Variants in WWOX observed in about 807,000 individuals in gnomAD.
WWOX encodes WW domain containing oxidoreductase, also known as WW domain-containing oxidoreductase.
Under a neutral mutation model 46.2 loss-of-function variants are expected in WWOX, and 69 were observed. The observed-to-expected ratio is 1.49, with a 90% CI of 1.23 to 1.82. The LOEUF (loss-of-function observed/expected upper bound fraction) is 1.82. WWOX is among the 40% of genes most tolerant of loss of function. The pLI is 0.00. For missense variants in WWOX, 919 were observed against 542.6 expected (o/e 1.69, Z -6.89); for synonymous variants, 359 against 202.6 (o/e 1.77, Z -6.56).
intron 8 of WWOX, among the ~76,000 whole-genome samples, chr16:78,827,581 C>T (rs998506178): frequency 6.6e-6 from 1 of 152,022 alleles, no homozygotes; most frequent in Non-Finnish European, 1.5e-5. Context: ...GCCTGTAATC[C>T]CAGCACTTTG....
At chr16:78,535,658 C>T (rs2043741209) in intron 8 of WWOX, 1 of 152,206 alleles carries the variant, frequency 6.6e-6, no homozygotes. Context: ...GAAGTTTAAA[C>T]AATCTCTTCC....
At chr16:78,492,847 G>A (rs2084818554) in intron 8 of WWOX, among the ~76,000 whole-genome samples, 1 of 152,056 alleles carries the variant, frequency 6.6e-6, no homozygotes, top group Admixed American at 6.6e-5. Flanking sequence ...CCGAATACTT[G>A]TGTCCCTTGA....
intron 8 of WWOX, among the ~76,000 whole-genome samples, chr16:78,650,175 G>A (rs1597394448): frequency 6.6e-6 from 1 of 152,136 alleles, no homozygotes; most frequent in Admixed American, 6.5e-5. Context: ...AGAGTGTTTG[G>A]CTAACTTGCA....
chr16:79,005,869 G>C (rs1339633045), intron 8 of WWOX, among the ~76,000 whole-genome samples: 3 of 152,176 alleles, frequency 2.0e-5, no homozygotes, highest in African/African-American at 7.2e-5. Flanking sequence ...CTCAGGCCAA[G>C]AGAGAAACTC....
chr16:78,677,879 G>C (rs2047641081), intron 8 of WWOX, among the ~76,000 whole-genome samples: 1 of 152,108 alleles, frequency 6.6e-6, no homozygotes, highest in Non-Finnish European at 1.5e-5. Context: ...ACAATTTCCT[G>C]CCTCCAAATT....
chr16:78,945,569 CTT>C (rs1029157555), intron 8 of WWOX, among the ~76,000 whole-genome samples: 13 of 152,132 alleles, frequency 8.5e-5, no homozygotes, highest in Admixed American at 6.5e-5. Flanking sequence ...GCCTTTTAGT[CTT>C]TTGGTTTTTT....
At position 79,178,500 on chromosome 16, in the gene WWOX, A is replaced by G. The variant is rs551268022; in HGVS notation, c.1057-33108A>G. The stretch of plus-strand genomic sequence containing the variant: ...CTGGCTAATTTTCTAAATTTTTTGT[A>G]GAGACAAGGTCTCACTGTGTTGTCC... On this transcript the variant is annotated intron_variant, in intron 8 of 8. Coordinates refer to ENST00000566780, the MANE Select transcript of WWOX (RefSeq NM_016373.4). Among the ~76,000 whole-genome samples, 9 of 152,156 alleles carry G rather than the reference A, an allele frequency of 5.9e-5. No homozygotes were observed. In the South Asian group the frequency reaches 1.9e-3, roughly 32 times the overall value.
rs538220699 is a variant in WWOX, at chr16:78,884,617, A to C, written c.1057-326991A>C. On this transcript the variant is annotated intron_variant, in intron 8 of 8. Coordinates refer to ENST00000566780, the MANE Select transcript of WWOX (RefSeq NM_016373.4). ...AGAGGAATGTATCCTATGTGATTAT[A>C]GTTACAATGAGTTGACTAAAAAGCA... 3.3e-5 allele frequency among the ~76,000 whole-genome samples: 5 copies of C among 152,320 alleles called. No homozygotes were observed. The South Asian group carries it at 1.0e-3, about 32-fold the overall frequency.
intron 8 of WWOX, among the ~76,000 whole-genome samples, chr16:79,193,115 C>G (rs1302763640): frequency 6.6e-6 from 1 of 152,216 alleles, no homozygotes; most frequent in African/African-American, 2.4e-5. Context: ...CTTTCCATTC[C>G]ATTAGACTTC....
intron 5 of WWOX, among the ~76,000 whole-genome samples, chr16:78,279,327 A>C (rs1349351324): frequency 6.6e-6 from 1 of 152,178 alleles, no homozygotes; most frequent in Non-Finnish European, 1.5e-5. Context: ...AATGAGTTTC[A>C]TTCTCCTATA....
intron 5 of WWOX, among the ~76,000 whole-genome samples, chr16:78,354,545 C>T (rs866506029): frequency 3.3e-5 from 5 of 152,002 alleles, no homozygotes; most frequent in Admixed American, 6.6e-5. Context: ...TTAGAAGAGA[C>T]CCTTATTTTT....
chr16:78,721,995 T>C (rs1246862068), intron 8 of WWOX, among the ~76,000 whole-genome samples: 3 of 152,256 alleles, frequency 2.0e-5, no homozygotes, highest in African/African-American at 7.2e-5. Context: ...TAAATTAGCA[T>C]CCAGGCACTT....
chr16:78,594,510 C>G (rs952308471), intron 8 of WWOX, among the ~76,000 whole-genome samples: 1 of 147,762 alleles, frequency 6.8e-6, no homozygotes, highest in African/African-American at 2.5e-5. Context: ...TCTGACCACC[C>G]TGCTAGGTAC....
At chr16:79,006,942 C>T (rs1322093995) in intron 8 of WWOX, among the ~76,000 whole-genome samples, 1 of 152,164 alleles carries the variant, frequency 6.6e-6, no homozygotes, top group African/African-American at 2.4e-5. Context: ...TTAAGATCAG[C>T]TGATTAGCAA....
At chr16:78,318,961 G>T (rs2080410527) in intron 5 of WWOX, among the ~76,000 whole-genome samples, 1 of 152,130 alleles carries the variant, frequency 6.6e-6, no homozygotes, top group South Asian at 2.1e-4. Context: ...GATATGCTTT[G>T]TTACATGGAA....
At chr16:78,116,400 GT>G (rs1352254942) in intron 4 of WWOX, among the ~76,000 whole-genome samples, 1 of 152,184 alleles carries the variant, frequency 6.6e-6, no homozygotes, top group Non-Finnish European at 1.5e-5. Flanking sequence ...GTTGTACAAG[GT>G]GTGAAATCTA....
chr16:79,019,449 A>C (rs984713950), intron 8 of WWOX, among the ~76,000 whole-genome samples: 1 of 152,126 alleles, frequency 6.6e-6, no homozygotes, highest in African/African-American at 2.4e-5. Flanking sequence ...ATATCTCAAC[A>C]TATCTAAACA....
chr16:78,222,311 G>C (rs1164005844), intron 5 of WWOX, among the ~76,000 whole-genome samples: 4 of 150,530 alleles, frequency 2.7e-5, no homozygotes, highest in Non-Finnish European at 5.9e-5. Context: ...TGCCTCATTA[G>C]GGGTGAGAGT....
At chr16:78,165,338 C>G (rs2034936195) in intron 5 of WWOX, among the ~76,000 whole-genome samples, 1 of 152,242 alleles carries the variant, frequency 6.6e-6, no homozygotes, top group Non-Finnish European at 1.5e-5. Flanking sequence ...GACGTTGCCA[C>G]TGTCTTTGTA....
Sources: allele counts gnomAD v4.1 joint callset (sites outside exome capture counted in the v4.1 genomes callset), GRCh38; gene constraint gnomAD v4.1.1; transcripts MANE v1.5; gene names NCBI Gene and HGNC (gene_info 2026-07-23, HGNC 2026-07-21).